INTS6: variants seen among roughly 807,000 people sequenced by gnomAD.
INTS6 encodes the protein DEAD box protein.
Under a neutral mutation model 104.9 loss-of-function variants are expected in INTS6, and 16 were observed. The observed-to-expected ratio is 0.15, with a 90% CI of 0.10 to 0.23. The LOEUF (loss-of-function observed/expected upper bound fraction) is 0.23. INTS6 is among the 10% of genes least tolerant of loss of function. INTS6 has a pLI of 1.00. For synonymous variants in INTS6, 324 were observed against 358.7 expected (o/e 0.90, Z 1.09); for missense variants, 584 against 1,062.8 (o/e 0.55, Z 6.26).
chr13:51,425,064 A>T (rs1417576452), intron 4 of INTS6, among the ~76,000 whole-genome samples: 1 of 152,056 alleles, frequency 6.6e-6, no homozygotes, highest in Non-Finnish European at 1.5e-5. Flanking sequence ...TAATCATTTC[A>T]GATACTAGAA....
intron 17 of INTS6, among the ~76,000 whole-genome samples, chr13:51,367,014 C>A (rs904420571): frequency 6.6e-6 from 1 of 152,010 alleles, no homozygotes. Context: ...CTTCTTTACA[C>A]AGTGATCCCT....
At chr13:51,421,540 A>G (rs1488392184) in intron 4 of INTS6, among the ~76,000 whole-genome samples, 1 of 152,162 alleles carries the variant, frequency 6.6e-6, no homozygotes, top group Non-Finnish European at 1.5e-5. Flanking sequence ...TAAAAGTCTA[A>G]AAAGTTTAAT....
Position 51,408,729 on chromosome 13 carries a change from T to A in INTS6, c.430-13246A>T, listed in dbSNP as rs17195027. 2.2e-4 allele frequency among the ~76,000 whole-genome samples: 34 copies of A among 152,268 alleles called. No individual in the cohort carries two copies. The South Asian group carries it at 5.4e-3, about 24-fold the overall frequency. ...AAAGACCTTTTGACCACACCAAATA[T>A]TGCCCATAATCACACAAGTTAAGAG... On this transcript the variant is annotated intron_variant, in intron 4 of 17. Transcript: ENST00000311234.
chr13:51,349,754 G>GAAGGC (rs1328621894), downstream of INTS6, among the ~76,000 whole-genome samples: 1 of 152,186 alleles, frequency 6.6e-6, no homozygotes, highest in East Asian at 1.9e-4. Context: ...GGCAGGCAGG[G>GAAGGC]AAGGCAAGGC....
At chr13:51,353,985 C>T (rs998615021), downstream of INTS6, 12 of 152,088 alleles carry the variant, frequency 7.9e-5, no homozygotes, top group Non-Finnish European at 1.8e-4. Flanking sequence ...TGTAGTGATT[C>T]TTTGTGCTCA....
At chr13:51,418,272 A>G (rs528706577) in intron 4 of INTS6, among the ~76,000 whole-genome samples, 1 of 152,154 alleles carries the variant, frequency 6.6e-6, no homozygotes, top group African/African-American at 2.4e-5. Context: ...ATTGTTTTGC[A>G]TTCTCTTTAT....
At chr13:51,342,646 T>C in the INTS6 span, among the ~76,000 whole-genome samples, 2 of 152,180 alleles carry the variant, frequency 1.3e-5, no homozygotes, top group African/African-American at 4.8e-5. Context: ...TGTTTCTGAC[T>C]AAAAGAATGT....
intron 4 of INTS6, among the ~76,000 whole-genome samples, chr13:51,413,205 T>A (rs752075976): frequency 2.0e-5 from 3 of 152,178 alleles, no homozygotes; most frequent in Non-Finnish European, 4.4e-5. Flanking sequence ...AAAAAAGTTT[T>A]TTTTTTAAAG....
chr13:51,426,164 T>C (rs188786812), intron 4 of INTS6, among the ~76,000 whole-genome samples: 58 of 152,174 alleles, frequency 3.8e-4, no homozygotes, highest in African/African-American at 1.4e-3. Context: ...CAGCTCAAGA[T>C]TTTCATTCAT....
chr13:51,428,950 C>T (rs149307010), intron 4 of INTS6, among the ~76,000 whole-genome samples: 2 of 152,238 alleles, frequency 1.3e-5, no homozygotes, highest in African/African-American at 4.8e-5. Context: ...GTTCCAATGC[C>T]TCATGAAAGA....
Position 51,365,391 on chromosome 13 carries a change from CTTTT to C in INTS6, c.*357_*360del, listed in dbSNP as rs149255221. 1 of 152,290 alleles carries C rather than the reference CTTTT, an allele frequency of 6.6e-6. No individual in the cohort carries two copies. Among genetic ancestry groups the C allele is most frequent in the Non-Finnish European group, 1.4e-5 (1 of 69,026 alleles). 9.4% of individuals were successfully genotyped at this position (152,290 alleles called of 1,614,324 possible). The stretch of plus-strand genomic sequence containing the variant: ...TTCCCCAAAAATTACAAAGTAACTT[CTTTT>C]TTTTTTGGCAAAGTTCAACCTTAAC... On this transcript the variant is annotated 3_prime_UTR_variant, in exon 18 of 18. Coordinates refer to ENST00000311234, the MANE Select transcript of INTS6 (RefSeq NM_012141.3).
intron 3 of INTS6, among the ~76,000 whole-genome samples, chr13:51,430,950 T>TA (rs1442113107): frequency 4.6e-5 from 7 of 152,110 alleles, no homozygotes; most frequent in Non-Finnish European, 1.0e-4. Flanking sequence ...GATGAAAAGT[T>TA]AAAATTAAAA....
intron 4 of INTS6, among the ~76,000 whole-genome samples, chr13:51,422,046 C>T (rs1179239573): frequency 3.3e-4 from 50 of 152,166 alleles, no homozygotes; most frequent in African/African-American, 2.4e-5. Flanking sequence ...CTGCTCATTT[C>T]AATTTTTAAA....
At position 51,452,832 on chromosome 13, in the gene INTS6, C is replaced by G. The variant is rs1320289715; in HGVS notation, c.-307G>C. On this transcript the variant is annotated 5_prime_UTR_variant, in exon 1 of 18. Transcript: ENST00000311234. This position sits in a 1 kb window ranked among gnomAD's most constrained non-coding sequence, Gnocchi z 4.2. ...CCCCCCGCCTCGGGGGTCCCGTCCCCGCTCCCGGCCCCTGTGTGTGTCCCA... is the reference window on the plus strand; with the variant it reads ...CCCCCCGCCTCGGGGGTCCCGTCCCGGCTCCCGGCCCCTGTGTGTGTCCCA... The G allele has an allele frequency of 8.6e-7, 1 of 1,164,052 alleles. No individual in the cohort carries two copies. Among genetic ancestry groups the G allele is most frequent in the Non-Finnish European group, 1.1e-6 (1 of 936,914 alleles). 72.1% of individuals were successfully genotyped at this position (1,164,052 alleles called of 1,614,324 possible). A position where few individuals can be genotyped will look rare whatever the true frequency, so the allele number is the denominator to read the frequency against.
At chr13:51,394,870 ACTAT>A (rs1956307947) in intron 5 of INTS6, among the ~76,000 whole-genome samples, 1 of 152,226 alleles carries the variant, frequency 6.6e-6, no homozygotes, top group Non-Finnish European at 1.5e-5. Flanking sequence ...ATAAGACCTC[ACTAT>A]CTGTTTCCTT....
chr13:51,344,192 T>C, the INTS6 span: 9 of 1,218,432 alleles, frequency 7.4e-6, no homozygotes, highest in South Asian at 8.9e-5. Context: ...GTGCTGGAGG[T>C]TGTGCTAACT....
chr13:51,382,050 T>C lies in INTS6; in HGVS notation c.1254A>G (p.Thr418=). 1 of 1,610,736 alleles carries C rather than the reference T, an allele frequency of 6.2e-7. No homozygotes were observed. Among genetic ancestry groups the C allele is most frequent in the Non-Finnish European group, 8.5e-7 (1 of 1,178,144 alleles). The change falls in exon 10 of 18, where the codon ACA becomes ACG. Residue 418 remains threonine (T), a synonymous_variant. Coordinates refer to ENST00000311234, the MANE Select transcript of INTS6 (RefSeq NM_012141.3). ...WRQSFESYLK[T]MPPYYLGPLK... The stretch of plus-strand genomic sequence containing the variant: ...TTACCCCAAGATAGTAGGGAGGCAT[T>C]GTCTTCAAATAACTTTCAAATGACT...
intron 5 of INTS6, among the ~76,000 whole-genome samples, chr13:51,393,805 T>C (rs1372064366): frequency 6.6e-6 from 1 of 152,220 alleles, no homozygotes; most frequent in Admixed American, 6.5e-5. Context: ...GACTGCTACA[T>C]GATGTCTCAT....
chr13:51,434,804 C>T (rs1388249247), intron 3 of INTS6, among the ~76,000 whole-genome samples: 1 of 151,990 alleles, frequency 6.6e-6, no homozygotes, highest in African/African-American at 2.4e-5. Context: ...ACATTGTTTA[C>T]CCAGCAAATT....
Sources: gnomAD v4.1 joint callset for allele counts (sites outside exome capture counted in the v4.1 genomes callset) on GRCh38, gnomAD v4.1.1 for gene constraint, Gnocchi (gnomAD v3.1) non-coding constraint, MANE v1.5 for transcripts, NCBI Gene and HGNC (gene_info 2026-07-23, HGNC 2026-07-21) for gene names.